DCC: variants seen among roughly 807,000 people sequenced by gnomAD.
DCC encodes the protein netrin receptor DCC.
In DCC, 58 loss-of-function variants were observed where a neutral mutation model predicts 172.5. The observed-to-expected ratio is 0.34, with a 90% CI of 0.27 to 0.42. DCC has a LOEUF of 0.42. Among genes scored for constraint, DCC ranks in the 10% least tolerant of loss-of-function variants. DCC has a pLI of 1.00. For synonymous variants in DCC, 709 were observed against 644.5 expected (o/e 1.10, Z -1.52); for missense variants, 1,740 against 1,791.0 (o/e 0.97, Z 0.51).
rs1475444578 is a variant in DCC, at chr18:52,792,754, GATTCTATTCC to G, written c.412+40395_412+40404del. Among the ~76,000 whole-genome samples the G allele has an allele frequency of 2.4e-3, 55 of 23,122 alleles. 1 individual carries two copies. Among genetic ancestry groups the G allele is most frequent in the African/African-American group, 0.011 (49 of 4,354 alleles). 15.2% of individuals were successfully genotyped at this position (23,122 alleles called of 152,430 possible). The stretch of plus-strand genomic sequence containing the variant: ...GGAGGCTGAGGCAACCATTCCAGTT[GATTCTATTCC>G]ATTCTATTCCATTCCATTCCATTCC... On this transcript the variant is annotated intron_variant, in intron 2 of 28. Transcript: ENST00000442544.
intron 12 of DCC, among the ~76,000 whole-genome samples, chr18:53,284,589 C>T (rs1383225896): frequency 1.3e-5 from 2 of 152,102 alleles, no homozygotes; most frequent in Non-Finnish European, 2.9e-5. Context: ...TGCCCAGTCT[C>T]AAGTATGTCT....
chr18:52,652,305 G>A (rs1284038409), intron 1 of DCC, among the ~76,000 whole-genome samples: 1 of 152,156 alleles, frequency 6.6e-6, no homozygotes, highest in Non-Finnish European at 1.5e-5. Context: ...AGTGAGAACA[G>A]ATTTCTGACC....
intron 1 of DCC, among the ~76,000 whole-genome samples, chr18:52,643,230 G>A (rs1042037731): frequency 5.9e-5 from 9 of 152,098 alleles, no homozygotes; most frequent in African/African-American, 1.9e-4. Flanking sequence ...AGTTCAGAAG[G>A]TTCAGACAAG....
At chr18:53,290,185 C>T (rs967955229) in intron 12 of DCC, among the ~76,000 whole-genome samples, 4 of 152,076 alleles carry the variant, frequency 2.6e-5, no homozygotes, top group South Asian at 2.1e-4. Context: ...ACCTGAAGAT[C>T]GAAGAGAGAG....
At chr18:52,631,396 T>C (rs939537190) in intron 1 of DCC, among the ~76,000 whole-genome samples, 5 of 152,226 alleles carry the variant, frequency 3.3e-5, no homozygotes, top group African/African-American at 1.2e-4. Context: ...CCAAAATTGA[T>C]AGTTTCTAGG....
At chr18:52,879,663 C>T (rs1866059463) in intron 2 of DCC, among the ~76,000 whole-genome samples, 1 of 151,936 alleles carries the variant, frequency 6.6e-6, no homozygotes. Context: ...AACTCCTGAC[C>T]TCATGGTCTG....
chr18:52,758,685 C>T (rs1018620762), intron 2 of DCC: 6 of 151,394 alleles, frequency 4.0e-5, no homozygotes, highest in Non-Finnish European at 7.4e-5. Flanking sequence ...AAAAAAAAAC[C>T]TTAACTGAAG....
At chr18:53,118,309 G>C in intron 7 of DCC, among the ~76,000 whole-genome samples, 1 of 151,724 alleles carries the variant, frequency 6.6e-6, no homozygotes, top group Non-Finnish European at 1.5e-5. Context: ...TATATATTTT[G>C]ACTACTACCT....
At chr18:52,916,089 A>T (rs1187246816) in intron 3 of DCC, among the ~76,000 whole-genome samples, 1 of 152,130 alleles carries the variant, frequency 6.6e-6, no homozygotes, top group Non-Finnish European at 1.5e-5. Flanking sequence ...TAAAGTACAC[A>T]TCTTTTTAGT....
intron 5 of DCC, among the ~76,000 whole-genome samples, chr18:53,024,658 G>C (rs2041932067): frequency 6.6e-6 from 1 of 152,152 alleles, no homozygotes; most frequent in Admixed American, 6.6e-5. Context: ...CTGCTTTCTT[G>C]TGGGGTTCTA....
At chr18:52,386,448 T>C (rs764929410) in intron 1 of DCC, among the ~76,000 whole-genome samples, 2 of 152,224 alleles carry the variant, frequency 1.3e-5, no homozygotes, top group Non-Finnish European at 2.9e-5. Context: ...ATGATGTTTT[T>C]TCTTGAGTAA....
chr18:52,508,368 G>A (rs2031313792), intron 1 of DCC, among the ~76,000 whole-genome samples: 1 of 152,048 alleles, frequency 6.6e-6, no homozygotes, highest in African/African-American at 2.4e-5. Flanking sequence ...AAGCTGAGAA[G>A]GTTCAGAGTT....
intron 1 of DCC, among the ~76,000 whole-genome samples, chr18:52,357,536 T>C (rs1251902563): frequency 2.0e-5 from 3 of 152,122 alleles, no homozygotes; most frequent in Admixed American, 1.3e-4. Flanking sequence ...GAGAAGAGAC[T>C]TAGATAAATC....
At chr18:52,769,487 C>A (rs978210386) in intron 2 of DCC, among the ~76,000 whole-genome samples, 1 of 152,106 alleles carries the variant, frequency 6.6e-6, no homozygotes, top group Non-Finnish European at 1.5e-5. Context: ...TTATCAGATA[C>A]GTCTTCTGTA....
intron 2 of DCC, among the ~76,000 whole-genome samples, chr18:52,811,543 TTTGGA>T (rs78501087): frequency 0.022 from 3,337 of 152,290 alleles, 53 homozygotes; most frequent in Middle Eastern, 0.071. Context: ...AGAAAACTAA[TTTGGA>T]TTGAGTAAAA....
chr18:53,399,904 C>CAAAA (rs1234594700), intron 18 of DCC, among the ~76,000 whole-genome samples: 2 of 160 alleles, frequency 0.013, no homozygotes, highest in African/African-American at 0.013. Flanking sequence ...GACTCCGTCT[C>CAAAA]AAAAAAAAAA....
chr18:52,865,244 G>A (rs1366542060), intron 2 of DCC, among the ~76,000 whole-genome samples: 1 of 152,110 alleles, frequency 6.6e-6, no homozygotes, highest in Non-Finnish European at 1.5e-5. Context: ...TATCATTGAT[G>A]GGCATTTGGG....
chr18:53,484,146 A>G (rs1407900619), intron 25 of DCC, among the ~76,000 whole-genome samples: 3 of 151,832 alleles, frequency 2.0e-5, no homozygotes, highest in Non-Finnish European at 2.9e-5. Context: ...TATTTTTGAT[A>G]ATTTTTCAAC....
In DCC at chr18:52,927,240, T is replaced by C. The variant is rs184007350; in HGVS notation, c.985+1870T>C. ...ACACATATATGCACATATATACTTATATGTACATATACACATATATGCACA... is the reference window on the plus strand; with the variant it reads ...ACACATATATGCACATATATACTTACATGTACATATACACATATATGCACA... On this transcript the variant is annotated intron_variant, in intron 5 of 28. Coordinates refer to ENST00000442544, the MANE Select transcript of DCC (RefSeq NM_005215.4). Among the ~76,000 whole-genome samples the C allele has an allele frequency of 1.4e-3, 210 of 149,660 alleles. 1 individual carries two copies. Among genetic ancestry groups the C allele is most frequent in the African/African-American group, 5.0e-3 (205 of 40,914 alleles).
Sources: gnomAD v4.1 joint callset for allele counts (sites outside exome capture counted in the v4.1 genomes callset) on GRCh38, gnomAD v4.1.1 for gene constraint, MANE v1.5 for transcripts, NCBI Gene and HGNC (gene_info 2026-07-23, HGNC 2026-07-21) for gene names.